Variants in SH3BP5 observed in about 807,000 individuals in gnomAD.
SH3BP5 encodes the protein SH3 domain-binding protein 5.
A neutral mutation model predicts 43.3 loss-of-function variants in SH3BP5; 22 were observed. That is an observed-to-expected ratio of 0.51 (90% CI 0.36 to 0.73). The LOEUF (loss-of-function observed/expected upper bound fraction) is 0.73, where lower values mean the gene tolerates loss of function less well. Among genes scored for constraint, SH3BP5 ranks in the 30% least tolerant of loss-of-function variants. SH3BP5 has a pLI of 0.00. For synonymous variants in SH3BP5, 255 were observed against 225.8 expected (o/e 1.13, Z -1.16); for missense variants, 529 against 586.9 (o/e 0.90, Z 1.02).
At chr3:15,289,153 T>C (rs145899357) in intron 3 of SH3BP5, among the ~76,000 whole-genome samples, 9 of 152,300 alleles carry the variant, frequency 5.9e-5, no homozygotes, top group African/African-American at 2.2e-4. Context: ...AGATAAACTA[T>C]AGTACCAACG....
In SH3BP5 at chr3:15,323,674, C is replaced by G. The variant is rs187815610; in HGVS notation, c.201+6830G>C. On this transcript the variant is annotated intron_variant, in intron 2 of 8. Transcript: ENST00000383791. ...CAGCCTGTATCACCTGATGTCAAGA[C>G]AGCTGTCTTCCCTCCACCTGCCCTT... is the stretch of plus-strand genomic sequence containing the variant. Among the ~76,000 whole-genome samples the G allele has an allele frequency of 3.4e-3, 519 of 152,090 alleles. 4 individuals are homozygous for G. Among genetic ancestry groups the G allele is most frequent in the South Asian group, 0.011 (51 of 4,832 alleles).
intron 4 of SH3BP5, 106 bp downstream of exon 4, chr3:15,269,607 G>C: frequency 8.0e-6 from 10 of 1,251,370 alleles, no homozygotes; most frequent in Non-Finnish European, 1.1e-5. Flanking sequence ...TTTTCAGGGT[G>C]TTTTCAGGCA....
chr3:15,303,600 G>A (rs1231268245), intron 3 of SH3BP5, among the ~76,000 whole-genome samples: 1 of 151,368 alleles, frequency 6.6e-6, no homozygotes, highest in Non-Finnish European at 1.5e-5. Flanking sequence ...GGGCTCTCAG[G>A]ACAAAGAACC....
intron 6 of SH3BP5, chr3:15,259,474 C>G: frequency 1.8e-6 from 1 of 558,330 alleles, no homozygotes; most frequent in Non-Finnish European, 3.2e-6. Flanking sequence ...AGAGTGGGAC[C>G]TGGTCTATCA....
chr3:15,322,518 C>G (rs1184922140), intron 2 of SH3BP5, among the ~76,000 whole-genome samples: 2 of 152,196 alleles, frequency 1.3e-5, no homozygotes, highest in Admixed American at 6.5e-5. Flanking sequence ...AGTGTCACAA[C>G]TGTCCTCACG....
At chr3:15,334,402 G>GA (rs1023759024), upstream of SH3BP5, among the ~76,000 whole-genome samples, 1 of 151,874 alleles carries the variant, frequency 6.6e-6, no homozygotes, top group African/African-American at 2.4e-5. Flanking sequence ...ATATTTGGGG[G>GA]AAAAAAACAC....
chr3:15,272,944 C>CG (rs1696859004), intron 3 of SH3BP5, among the ~76,000 whole-genome samples: 1 of 152,058 alleles, frequency 6.6e-6, no homozygotes, highest in Admixed American at 6.5e-5. Flanking sequence ...CTCACCCCCC[C>CG]AACCCCTGCC....
At chr3:15,273,004 G>A in intron 3 of SH3BP5, 2 of 341,296 alleles carry the variant, frequency 5.9e-6, no homozygotes, top group South Asian at 2.4e-4. Context: ...TTTCATGTGA[G>A]GACAGCCCTG....
intron 3 of SH3BP5, among the ~76,000 whole-genome samples, chr3:15,299,267 A>G (rs1252356659): frequency 3.3e-5 from 5 of 152,212 alleles, no homozygotes; most frequent in African/African-American, 1.2e-4. Flanking sequence ...GGGCTCAAGG[A>G]CAAAAACTCT....
At chr3:15,303,009 T>C (rs1575328709) in intron 3 of SH3BP5, among the ~76,000 whole-genome samples, 3 of 152,140 alleles carry the variant, frequency 2.0e-5, no homozygotes, top group African/African-American at 7.2e-5. Flanking sequence ...GGTTTCAACA[T>C]GTTGGCCAGG....
At chr3:15,309,368 G>A (rs1478449654) in intron 2 of SH3BP5, among the ~76,000 whole-genome samples, 1 of 151,578 alleles carries the variant, frequency 6.6e-6, no homozygotes, top group Non-Finnish European at 1.5e-5. Flanking sequence ...GCCGAGAATC[G>A]ATGGGGTTTT....
chr3:15,302,146 AAT>A (rs906586110), intron 3 of SH3BP5, among the ~76,000 whole-genome samples: 5 of 152,306 alleles, frequency 3.3e-5, no homozygotes, highest in Admixed American at 3.3e-4. Flanking sequence ...TCAGGTCAAG[AAT>A]GATACAACCT....
At chr3:15,330,400 G>C (rs1037113388) in intron 2 of SH3BP5, 104 bp downstream of exon 2, 11 of 908,664 alleles carry the variant, frequency 1.2e-5, no homozygotes, top group Admixed American at 3.8e-5. Flanking sequence ...TCCCAAGGAG[G>C]GGGGTCCAGC....
At chr3:15,318,677 C>A (rs1698244761) in intron 2 of SH3BP5, among the ~76,000 whole-genome samples, 1 of 152,174 alleles carries the variant, frequency 6.6e-6, no homozygotes, top group South Asian at 2.1e-4. Flanking sequence ...ATTCTTGTGC[C>A]TCAGCCTCCC....
intron 6 of SH3BP5, 102 bp from the exon 7 acceptor site, chr3:15,259,152 C>T (rs545911240): frequency 4.3e-6 from 4 of 940,804 alleles, no homozygotes; most frequent in Non-Finnish European, 6.6e-6. Flanking sequence ...CATTCTACTT[C>T]AAGGAATTTT....
At chr3:15,314,535 AGGCCAAG>A (rs1335971597) in intron 2 of SH3BP5, among the ~76,000 whole-genome samples, 10 of 152,152 alleles carry the variant, frequency 6.6e-5, no homozygotes, top group Admixed American at 6.5e-4. Context: ...CAAACCAGAA[AGGCCAAG>A]GCAGGAGGGT....
chr3:15,274,143 G>C (rs969918114), intron 3 of SH3BP5, among the ~76,000 whole-genome samples: 2 of 152,044 alleles, frequency 1.3e-5, no homozygotes, highest in African/African-American at 4.8e-5. Context: ...CTACTCGGGA[G>C]GCTGAGGCAG....
chr3:15,265,323 C>A (rs1034521963), intron 4 of SH3BP5, among the ~76,000 whole-genome samples: 1 of 152,102 alleles, frequency 6.6e-6, no homozygotes, highest in Admixed American at 6.6e-5. Flanking sequence ...CAAGACCAAC[C>A]TGGCCAACAT....
chr3:15,303,353 C>A (rs573309689), intron 3 of SH3BP5, among the ~76,000 whole-genome samples: 1 of 152,328 alleles, frequency 6.6e-6, no homozygotes, highest in Admixed American at 6.5e-5. Flanking sequence ...AAGCCCCCAG[C>A]CCAGAGCCTG....
Sources: allele counts gnomAD v4.1 joint callset (sites outside exome capture counted in the v4.1 genomes callset), GRCh38; gene constraint gnomAD v4.1.1; transcripts MANE v1.5; gene names NCBI Gene and HGNC (gene_info 2026-07-23, HGNC 2026-07-21).